The following GALNT15 variants were observed in gnomAD, a reference collection of about 807,000 sequenced individuals.
The protein encoded by GALNT15 is polypeptide N-acetylgalactosaminyltransferase 15, also known as UDP-GalNAc transferase T15.
Under a neutral mutation model 66.8 loss-of-function variants are expected in GALNT15, and 67 were observed. The ratio of observed to expected loss-of-function variants is 1.00; its 90% CI spans 0.82 to 1.23. The LOEUF (loss-of-function observed/expected upper bound fraction) is 1.23, where lower values mean the gene tolerates loss of function less well. Ranked by LOEUF, GALNT15 falls within the 50% of genes most tolerant of loss-of-function variation. GALNT15 has a pLI of 0.00. For missense variants in GALNT15, 827 were observed against 804.3 expected (o/e 1.03, Z -0.34); for synonymous variants, 313 against 311.5 (o/e 1.00, Z -0.05).
At chr3:16,212,459 T>A in intron 5 of GALNT15, 110 bp from the exon 6 acceptor site, 1 of 953,552 alleles carries the variant, frequency 1.0e-6, no homozygotes, top group Non-Finnish European at 1.6e-6. Flanking sequence ...CACCATTGAG[T>A]GCTCACGATT....
the GALNT15 span, among the ~76,000 whole-genome samples, chr3:16,246,884 G>A: frequency 1.3e-5 from 2 of 152,142 alleles, no homozygotes; most frequent in African/African-American, 4.8e-5. Context: ...TGAGTTGTGA[G>A]GCCTATGGCT....
intron 8 of GALNT15, 41 bp downstream of exon 8, chr3:16,220,055 A>G: frequency 6.8e-7 from 1 of 1,476,634 alleles, no homozygotes; most frequent in Admixed American, 1.7e-5. Flanking sequence ...TAGCCCAAGA[A>G]GACTTGAAAG....
At chr3:16,215,745 A>G (rs2063864620) in intron 6 of GALNT15, among the ~76,000 whole-genome samples, 1 of 152,038 alleles carries the variant, frequency 6.6e-6, no homozygotes, top group Non-Finnish European at 1.5e-5. Flanking sequence ...CCCCGTCTCC[A>G]CTAAAAATAC....
chr3:16,182,312 G>C lies in GALNT15; in HGVS notation c.539+6622G>C, dbSNP rs1040319436. ...TGGTTCACAGCCCCCACTCACATTA[G>C]AACCAATGAGTCGTCATGTCAAGGC... On this transcript the variant is annotated intron_variant, in intron 1 of 9. Transcript: ENST00000339732. This position sits in a 1 kb window ranked among gnomAD's most constrained non-coding sequence, Gnocchi z 6.1. Among the ~76,000 whole-genome samples, 1 of 152,140 alleles carries C rather than the reference G, an allele frequency of 6.6e-6. No homozygotes were observed. The highest frequency in any genetic ancestry group is 1.5e-5 in the Non-Finnish European group (1 of 68,032).
intron 9 of GALNT15, among the ~76,000 whole-genome samples, chr3:16,223,775 C>T (rs1269671256): frequency 6.6e-6 from 1 of 151,514 alleles, no homozygotes; most frequent in Non-Finnish European, 1.5e-5. Context: ...TAACTGCAGC[C>T]TCTGCCTCCC....
rs1304703178 is a variant in GALNT15, at chr3:16,198,030, G to A, written c.706+2104G>A. On this transcript the variant is annotated intron_variant, in intron 2 of 9. Transcript: ENST00000339732. ...CCCAAGGAGGGCTTCATAAATTAAT[G>A]TTTGGTGGGAATATCAGTGAAGGAC... Among the ~76,000 whole-genome samples, 3 of 142,966 alleles carry A rather than the reference G, an allele frequency of 2.1e-5. 1 individual carries two copies. The highest frequency in any genetic ancestry group is 4.7e-5 in the Non-Finnish European group (3 of 64,498). 93.8% of individuals were successfully genotyped at this position (142,966 alleles called of 152,430 possible).
Position 16,229,132 on chromosome 3 carries a change from A to C in GALNT15, c.*1632A>C. On this transcript the variant is annotated 3_prime_UTR_variant, in exon 10 of 10. Coordinates refer to ENST00000339732, the MANE Select transcript of GALNT15 (RefSeq NM_054110.5). ...TCTCCTTTGGGCTGTCTCAGAACAC[A>C]GTATCCTTCAAATAAGAAAAACTGA... 1 of 985,440 alleles carries C rather than the reference A, an allele frequency of 1.0e-6. No individual in the cohort carries two copies. The highest frequency in any genetic ancestry group is 1.2e-6 in the Non-Finnish European group (1 of 829,922). The allele number at this position is 985,440 out of a possible 1,614,324, so 61.0% of individuals were successfully genotyped here.
intron 2 of GALNT15, among the ~76,000 whole-genome samples, chr3:16,197,388 C>T (rs1015091896): frequency 6.6e-6 from 1 of 152,158 alleles, no homozygotes; most frequent in African/African-American, 2.4e-5. Context: ...CATTGGGGTG[C>T]AAGGCCTTTT....
intron 1 of GALNT15, among the ~76,000 whole-genome samples, chr3:16,185,597 A>G (rs568393028): frequency 2.6e-5 from 4 of 152,316 alleles, no homozygotes; most frequent in Non-Finnish European, 5.9e-5. Context: ...TTGCCTTTTG[A>G]AGACCTTAAG....
At chr3:16,197,329 CT>C (rs900069929) in intron 2 of GALNT15, among the ~76,000 whole-genome samples, 1 of 152,224 alleles carries the variant, frequency 6.6e-6, no homozygotes, top group African/African-American at 2.4e-5. Context: ...CCTTCTGCCC[CT>C]CACCACTGGG....
intron 3 of GALNT15, among the ~76,000 whole-genome samples, chr3:16,206,671 T>TAAAAAAAAAAAA (rs1170870767): frequency 3.3e-5 from 2 of 60,042 alleles, no homozygotes; most frequent in Non-Finnish European, 6.7e-5. Context: ...AGACTCTGTC[T>TAAAAAAAAAAAA]AAAAAAAAAA....
chr3:16,190,575 T>C (rs1301048106), intron 1 of GALNT15, among the ~76,000 whole-genome samples: 4 of 149,590 alleles, frequency 2.7e-5, no homozygotes, highest in African/African-American at 9.9e-5. Context: ...GAGGCGGAGC[T>C]TGCAGTGAGC....
At chr3:16,231,708 C>T, downstream of GALNT15, 2 of 1,030,054 alleles carry the variant, frequency 1.9e-6, no homozygotes, top group South Asian at 1.4e-5. The surrounding 1 kb of genome is among the most constrained non-coding windows in gnomAD (Gnocchi z 4.1). Flanking sequence ...AGCTCATAGT[C>T]AATGGACATT....
chr3:16,212,553 T>C lies in GALNT15; in HGVS notation c.1198-16T>C, dbSNP rs749457469. 2 of 1,608,020 alleles carry C rather than the reference T, an allele frequency of 1.2e-6. No homozygotes were observed. Among genetic ancestry groups the C allele is most frequent in the South Asian group, 2.2e-5 (2 of 90,402 alleles). ...AGGTGGAATGCTGAGGTGTTTATCT[T>C]TTCCCTTCGTGGCAGGCCTGGCTCT... On this transcript the variant is annotated splice_polypyrimidine_tract_variant and intron_variant, in intron 5 of 9. Coordinates refer to ENST00000339732, the MANE Select transcript of GALNT15 (RefSeq NM_054110.5).
chr3:16,227,219 A>G lies in GALNT15; in HGVS notation c.1774-135A>G, dbSNP rs2064029869. 4 of 931,786 alleles carry G rather than the reference A, an allele frequency of 4.3e-6. No homozygotes were observed. Among genetic ancestry groups the G allele is most frequent in the African/African-American group, 3.4e-5 (2 of 59,636 alleles). The allele number at this position is 931,786 out of a possible 1,614,324, so 57.7% of individuals were successfully genotyped here. A position where few individuals can be genotyped will look rare whatever the true frequency, so the allele number is the denominator to read the frequency against. Reference sequence around the variant, plus strand: ...ATTTATATTTTATGTTGATCAAAATACCACAATTCCTTTCCAGGCCAGTTC... The same window carrying G: ...ATTTATATTTTATGTTGATCAAAATGCCACAATTCCTTTCCAGGCCAGTTC... On this transcript the variant is annotated intron_variant, in intron 9 of 9. Transcript: ENST00000339732. The surrounding 1 kb of genome is among the most constrained non-coding windows in gnomAD (Gnocchi z 4.5).
chr3:16,175,792 G>C lies in GALNT15; in HGVS notation c.539+102G>C, dbSNP rs1186443794. ...TCCGTAGCCTGCCTCTCCTGACTTA[G>C]AGCAAGTGCTTTTCAAGATGCAGTA... On this transcript the variant is annotated intron_variant, in intron 1 of 9. Coordinates refer to ENST00000339732, the MANE Select transcript of GALNT15 (RefSeq NM_054110.5). This position sits in a 1 kb window ranked among gnomAD's most constrained non-coding sequence, Gnocchi z 5.6. The C allele has an allele frequency of 1.5e-5, 16 of 1,081,396 alleles. No individual in the cohort carries two copies. The highest frequency in any genetic ancestry group is 1.6e-5 in the Non-Finnish European group (12 of 773,054). The allele number at this position is 1,081,396 out of a possible 1,614,324, so 67.0% of individuals were successfully genotyped here.
At chr3:16,247,531 T>C in the GALNT15 span, among the ~76,000 whole-genome samples, 2 of 152,242 alleles carry the variant, frequency 1.3e-5, no homozygotes, top group East Asian at 1.9e-4. Context: ...CTGCAACAAA[T>C]ATTAAAGCAG....
intron 6 of GALNT15, among the ~76,000 whole-genome samples, chr3:16,215,890 C>T (rs1279367758): frequency 1.8e-5 from 2 of 111,714 alleles, no homozygotes; most frequent in African/African-American, 7.2e-5. Flanking sequence ...AGCCTGGCAA[C>T]AGAGGGAGAC....
intron 6 of GALNT15, among the ~76,000 whole-genome samples, chr3:16,217,528 C>T (rs1448734131): frequency 6.6e-6 from 1 of 152,158 alleles, no homozygotes; most frequent in Non-Finnish European, 1.5e-5. Context: ...TAATTTTGCC[C>T]TAAAGATTTC....
Sources: gnomAD v4.1 joint callset for allele counts (sites outside exome capture counted in the v4.1 genomes callset) on GRCh38, gnomAD v4.1.1 for gene constraint, Gnocchi (gnomAD v3.1) non-coding constraint, MANE v1.5 for transcripts, NCBI Gene and HGNC (gene_info 2026-07-23, HGNC 2026-07-21) for gene names.